ZNF530: variants seen among roughly 807,000 people sequenced by gnomAD.
ZNF530 encodes zinc finger protein 530.
Under a neutral mutation model 2.8 loss-of-function variants are expected in ZNF530, and 5 were observed. That is an observed-to-expected ratio of 1.80 (90% confidence interval 0.94 to 3.78). ZNF530 has a LOEUF of 3.78. Among genes scored for constraint, ZNF530 ranks in the 30% most tolerant of loss-of-function variants. The pLI is 0.00. For synonymous variants in ZNF530, 229 were observed against 235.0 expected (o/e 0.97, Z 0.23); for missense variants, 619 against 673.3 (o/e 0.92, Z 0.89).
In ZNF530 at chr19:57,599,949, G is replaced by T; in HGVS notation, c.-307G>T. The T allele has an allele frequency of 1.2e-6, 1 of 808,532 alleles. No homozygotes were observed. The highest frequency in any genetic ancestry group is 2.4e-5 in the South Asian group (1 of 42,260). 50.1% of individuals were successfully genotyped at this position (808,532 alleles called of 1,614,324 possible). ...TGTGTCAGTTCCATCCGCGGGTGCC[G>T]GATCTGGACCTAGGTGCTGACAGCG... On this transcript the variant is annotated 5_prime_UTR_variant, in exon 1 of 4. Coordinates refer to ENST00000597700, the MANE Select transcript of ZNF530 (RefSeq NM_001321981.2).
At position 57,607,510 on chromosome 19, in the gene ZNF530, A is replaced by G. The variant is rs538786452; in HGVS notation, c.*185A>G. 4.7e-5 allele frequency: 29 copies of G among 616,336 alleles called. No individual in the cohort carries two copies. The Middle Eastern group carries it at 1.3e-3, about 28-fold the overall frequency. 38.2% of individuals were successfully genotyped at this position (616,336 alleles called of 1,614,324 possible). ...CAGGCACCCACCACCATGCCCAGCT[A>G]ATTTTTGTATTTTTAATAGAAACAA... On this transcript the variant is annotated 3_prime_UTR_variant, in exon 4 of 4. Coordinates refer to ENST00000597700, the MANE Select transcript of ZNF530 (RefSeq NM_001321981.2).
chr19:57,600,358 G>A (rs976831876), intron 1 of ZNF530, among the ~76,000 whole-genome samples: 3 of 152,226 alleles, frequency 2.0e-5, no homozygotes, highest in Non-Finnish European at 1.5e-5. Flanking sequence ...GGAGACCCAG[G>A]CCGGCCTCAC....
Position 57,607,013 on chromosome 19 carries a change from TG to T in ZNF530, c.1392del (p.Lys465AsnfsTer94), listed in dbSNP as rs754779557. 6.2e-7 allele frequency: 1 copy of T among 1,613,210 alleles called. No homozygotes were observed. The highest frequency in any genetic ancestry group is 8.5e-7 in the Non-Finnish European group (1 of 1,179,292). On this transcript the variant is annotated frameshift_variant, in exon 4 of 4. Coordinates refer to ENST00000597700, the MANE Select transcript of ZNF530 (RefSeq NM_001321981.2). LOFTEE classifies it low-confidence loss of function (END_TRUNC). ...GERPYECSVCGKSFIRKTHLI... is the reference protein window; with the variant it reads ...GERPYECSVCXKSFIRKTHLI... ...AAAGGCCTTATGAGTGCAGTGTATG[TG>T]GGAAATCTTTTATCCGAAAAACCCA...
Position 57,607,274 on chromosome 19 carries a change from C to G in ZNF530, c.1650C>G (p.Ser550=). ...ATGAATGCAGTGAATGTGGAAAATC[C>G]TTTAGCCAAAGCTCTGGCCTCTTAA... is the stretch of plus-strand genomic sequence containing the variant. ...RPYECSECGK[S]FSQSSGLLRH... is the part of the protein sequence containing the mutation. The change falls in exon 4 of 4, where the codon TCC becomes TCG. Residue 550 remains serine, a synonymous_variant. Transcript: ENST00000597700. 6.2e-7 allele frequency: 1 copy of G among 1,613,186 alleles called. No individual in the cohort carries two copies. Among genetic ancestry groups the G allele is most frequent in the Non-Finnish European group, 8.5e-7 (1 of 1,179,648 alleles).
rs1220677553 is a variant in ZNF530, at chr19:57,606,239, T to C, written c.615T>C (p.Pro205=). 21 of 1,614,232 alleles carry C rather than the reference T, an allele frequency of 1.3e-5. No homozygotes were observed. Among genetic ancestry groups the C allele is most frequent in the Non-Finnish European group, 1.8e-5 (21 of 1,180,030 alleles). ...AAAGAGCTGACTCTGGAGAAAGGCC[T>C]TACAAGTGCAGTGAATGTGGGAAAT... The part of the protein sequence containing the change: ...QHQRADSGER[P]YKCSECGKSF... Residue 205 remains proline, a synonymous_variant, in exon 4 of 4, where the codon CCT becomes CCC. Transcript: ENST00000597700.
rs1980154442 is a variant in ZNF530, at chr19:57,600,136, T to G, written c.-122+2T>G. The G allele has an allele frequency of 6.4e-7, 1 of 1,570,190 alleles. No homozygotes were observed. Among genetic ancestry groups the G allele is most frequent in the African/African-American group, 1.4e-5 (1 of 73,858 alleles). ...GCGGCACTGAGGGCCCCGACCCAGGTGAGCGCTGCGTCCTCCCGGCCTCCT... is the reference window on the plus strand; with the variant it reads ...GCGGCACTGAGGGCCCCGACCCAGGGGAGCGCTGCGTCCTCCCGGCCTCCT... On this transcript the variant is annotated splice_donor_variant, in intron 1 of 3. Coordinates refer to ENST00000597700, the MANE Select transcript of ZNF530 (RefSeq NM_001321981.2). LOFTEE classifies it low-confidence loss of function (5UTR_SPLICE).
In ZNF530 at chr19:57,608,028, G is replaced by C. The variant is rs1298292380; in HGVS notation, c.*703G>C. The stretch of plus-strand genomic sequence containing the variant: ...CATTAGTTGGAGGAAAGCACGAGTA[G>C]TCTAAGCTCTTAGGGGGGTTTCTCA... On this transcript the variant is annotated 3_prime_UTR_variant, in exon 4 of 4. Transcript: ENST00000597700. 6.6e-6 allele frequency: 1 copy of C among 152,546 alleles called. No individual in the cohort carries two copies. The highest frequency in any genetic ancestry group is 1.5e-5 in the Non-Finnish European group (1 of 68,336). The allele number at this position is 152,546 out of a possible 1,614,324, so 9.4% of individuals were successfully genotyped here.
At position 57,606,110 on chromosome 19, in the gene ZNF530, A is replaced by G. The variant is rs751764915; in HGVS notation, c.486A>G (p.Pro162=). ...AGGTGACTCCCACCATTGAGAGACC[A>G]CACAGCAGGATTAGACACTTGAGAG... is the stretch of plus-strand genomic sequence containing the variant. ...QHQVTPTIER[P]HSRIRHLRVP... The change falls in exon 4 of 4, where the codon CCA becomes CCG. Residue 162 remains proline (P), a synonymous_variant. Transcript: ENST00000597700. 1.2e-6 allele frequency: 2 copies of G among 1,614,244 alleles called. No individual in the cohort carries two copies. Among genetic ancestry groups the G allele is most frequent in the Non-Finnish European group, 1.7e-6 (2 of 1,180,044 alleles).
intron 1 of ZNF530, 23 bp downstream of exon 1, chr19:57,600,157 CT>C: frequency 6.4e-7 from 1 of 1,560,084 alleles, no homozygotes; most frequent in Non-Finnish European, 8.7e-7. Flanking sequence ...TCCTCCCGGC[CT>C]CCTCTGCCCT....
chr19:57,612,218 A>G (rs1448456763), downstream of ZNF530, among the ~76,000 whole-genome samples: 1 of 152,104 alleles, frequency 6.6e-6, no homozygotes, highest in African/African-American at 2.4e-5. Flanking sequence ...AGCACTTCTC[A>G]ATGCCTTCAC....
At chr19:57,602,740 G>A (rs1980306732) in intron 2 of ZNF530, among the ~76,000 whole-genome samples, 1 of 152,134 alleles carries the variant, frequency 6.6e-6, no homozygotes, top group South Asian at 2.1e-4. Flanking sequence ...CTGAGACTGG[G>A]AAGAAAAAGA....
At position 57,605,628 on chromosome 19, in the gene ZNF530, G is replaced by T. The variant is rs188498612; in HGVS notation, c.62-58G>T. The T allele has an allele frequency of 4.1e-6, 6 of 1,478,350 alleles. No homozygotes were observed. The Admixed American group carries it at 6.7e-5, about 16-fold the overall frequency. 91.6% of individuals were successfully genotyped at this position (1,478,350 alleles called of 1,614,324 possible). On this transcript the variant is annotated intron_variant, in intron 3 of 3. Coordinates refer to ENST00000597700, the MANE Select transcript of ZNF530 (RefSeq NM_001321981.2). Reference sequence around the variant, plus strand: ...GACTCATTCTTTGACACACATTTTTGATGTAACTTCTCACACCATAGTAAA... The same window carrying T: ...GACTCATTCTTTGACACACATTTTTTATGTAACTTCTCACACCATAGTAAA...
chr19:57,606,423 T>C lies in ZNF530; in HGVS notation c.799T>C (p.Cys267Arg), dbSNP rs1382906059. 1 of 1,613,808 alleles carries C rather than the reference T, an allele frequency of 6.2e-7. No homozygotes were observed. Among genetic ancestry groups the C allele is most frequent in the Non-Finnish European group, 8.5e-7 (1 of 1,179,998 alleles). The change falls in exon 4 of 4, where the codon TGT becomes CGT. Residue 267 changes from cysteine (C) to arginine (R), a missense_variant. Transcript: ENST00000597700. ...TGERPYDCSE[C>R]GKSFRQVSVL... Reference sequence around the variant, plus strand: ...AGAAAGGCCTTATGACTGCAGTGAATGTGGCAAATCCTTTCGCCAGGTATC... The same window carrying C: ...AGAAAGGCCTTATGACTGCAGTGAACGTGGCAAATCCTTTCGCCAGGTATC...
chr19:57,605,583 A>T, intron 3 of ZNF530, 103 bp from the exon 4 acceptor site: 1 of 1,229,348 alleles, frequency 8.1e-7, no homozygotes, highest in Non-Finnish European at 1.1e-6. Flanking sequence ...CAGCTCTCAT[A>T]TCCTAAAAAC....
downstream of ZNF530, among the ~76,000 whole-genome samples, chr19:57,611,176 C>G (rs753918129): frequency 6.6e-6 from 1 of 152,164 alleles, no homozygotes; most frequent in Non-Finnish European, 1.5e-5. Flanking sequence ...TTGGTCCTTG[C>G]CTCCTCAGAA....
In ZNF530 at chr19:57,606,868, CT is replaced by C; in HGVS notation, c.1245del (p.Gly416AlafsTer143). ...TGTGGGAAAGTTTTTAGCCAAAGCTCTGGCCTCTTTCGACACAGAAGAGCTC... is the reference window on the plus strand; with the variant it reads ...TGTGGGAAAGTTTTTAGCCAAAGCTCGGCCTCTTTCGACACAGAAGAGCTC... ...SECGKVFSQS[S>X]GLFRHRRAHT... On this transcript the variant is annotated frameshift_variant, in exon 4 of 4. Coordinates refer to ENST00000597700, the MANE Select transcript of ZNF530 (RefSeq NM_001321981.2). LOFTEE classifies it low-confidence loss of function (END_TRUNC). 1.2e-6 allele frequency: 2 copies of C among 1,613,534 alleles called. No individual in the cohort carries two copies. The highest frequency in any genetic ancestry group is 1.7e-6 in the Non-Finnish European group (2 of 1,179,874).
rs1481557562 is a variant in ZNF530, at chr19:57,606,860, C to T, written c.1236C>T (p.Ser412=). Reference sequence around the variant, plus strand: ...GCAGTGAATGTGGGAAAGTTTTTAGCCAAAGCTCTGGCCTCTTTCGACACA... The same window carrying T: ...GCAGTGAATGTGGGAAAGTTTTTAGTCAAAGCTCTGGCCTCTTTCGACACA... ...YECSECGKVF[S]QSSGLFRHRR... The change falls in exon 4 of 4, where the codon AGC becomes AGT. Residue 412 remains serine (S), a synonymous_variant. Coordinates refer to ENST00000597700, the MANE Select transcript of ZNF530 (RefSeq NM_001321981.2). The T allele has an allele frequency of 1.2e-6, 2 of 1,613,942 alleles. No homozygotes were observed. The highest frequency in any genetic ancestry group is 1.7e-6 in the Non-Finnish European group (2 of 1,179,966).
Position 57,606,348 on chromosome 19 carries a change from TC to T in ZNF530, c.725del (p.Ser242TyrfsTer8), listed in dbSNP as rs771230440. Reference protein sequence around the residue: ...RTHECSECGKSFSRKTHLTQH... With the variant: ...RTHECSECGKXFSRKTHLTQH... ...TCATGAATGTAGTGAATGTGGGAAA[TC>T]ATTTAGTCGCAAAACTCACCTAACT... is the stretch of plus-strand genomic sequence containing the variant. On this transcript the variant is annotated frameshift_variant, in exon 4 of 4. Coordinates refer to ENST00000597700, the MANE Select transcript of ZNF530 (RefSeq NM_001321981.2). LOFTEE classifies it low-confidence loss of function (END_TRUNC). The T allele has an allele frequency of 2.2e-5, 36 of 1,613,892 alleles. No individual in the cohort carries two copies. Among genetic ancestry groups the T allele is most frequent in the Non-Finnish European group, 3.0e-5 (35 of 1,180,008 alleles).
In ZNF530 at chr19:57,605,815, C is replaced by A; in HGVS notation, c.191C>A (p.Thr64Asn). 1 of 1,614,152 alleles carries A rather than the reference C, an allele frequency of 6.2e-7. No homozygotes were observed. Among genetic ancestry groups the A allele is most frequent in the Non-Finnish European group, 8.5e-7 (1 of 1,180,034 alleles). The change falls in exon 4 of 4, where the codon ACC (threonine) becomes AAC (asparagine). Residue 64 changes from threonine (T) to asparagine (N), a missense_variant. Thr to Asn is a moderately conservative substitution (Grantham distance 65). Transcript: ENST00000597700. Reference sequence around the variant, plus strand: ...AAGAGTCACCCCTGTGAGATTTGTACCCCAGTCCTGAGAGACATTTTACAA... The same window carrying A: ...AAGAGTCACCCCTGTGAGATTTGTAACCCAGTCCTGAGAGACATTTTACAA... ...TDKSHPCEICTPVLRDILQMI... is the reference protein window; with the variant it reads ...TDKSHPCEICNPVLRDILQMI...
Sources: gnomAD v4.1 joint callset for allele counts (sites outside exome capture counted in the v4.1 genomes callset) on GRCh38, gnomAD v4.1.1 for gene constraint, MANE v1.5 for transcripts, NCBI Gene and HGNC (gene_info 2026-07-23, HGNC 2026-07-21) for gene names.